The following FAM184B variants were observed in gnomAD, a reference collection of about 807,000 sequenced individuals.
FAM184B encodes protein FAM184B.
FAM184B carries 111 observed loss-of-function variants against 135.9 expected under a neutral mutation model. That is an observed-to-expected ratio of 0.82 (90% CI 0.70 to 0.96). FAM184B has a LOEUF of 0.96. Among genes scored for constraint, FAM184B ranks in the 40% least tolerant of loss-of-function variants. FAM184B has a pLI of 0.00. For synonymous variants in FAM184B, 552 were observed against 524.8 expected (o/e 1.05, Z -0.71); for missense variants, 1,375 against 1,323.9 (o/e 1.04, Z -0.60).
intron 5 of FAM184B, among the ~76,000 whole-genome samples, chr4:17,699,501 C>T (rs531939155): frequency 6.6e-6 from 1 of 152,048 alleles, no homozygotes; most frequent in Non-Finnish European, 1.5e-5. Flanking sequence ...ATAAATGTGG[C>T]TGTTAACTTT....
intron 1 of FAM184B, among the ~76,000 whole-genome samples, chr4:17,780,881 A>G (rs2109001611): frequency 6.6e-6 from 1 of 152,252 alleles, no homozygotes; most frequent in East Asian, 1.9e-4. Flanking sequence ...ACACACACAC[A>G]CGATTCACAT....
intron 2 of FAM184B, 29 bp downstream of exon 2, chr4:17,708,863 T>C (rs1004075945): frequency 1.7e-5 from 25 of 1,478,948 alleles, no homozygotes; most frequent in Non-Finnish European, 2.2e-5. Flanking sequence ...TTTATCCCTT[T>C]GGGGTTGTAA....
chr4:17,751,409 A>T (rs961580953), intron 1 of FAM184B, among the ~76,000 whole-genome samples: 1 of 151,928 alleles, frequency 6.6e-6, no homozygotes, highest in Non-Finnish European at 1.5e-5. Context: ...TGCTGTGGGG[A>T]AAAACCACTG....
intron 10 of FAM184B, among the ~76,000 whole-genome samples, chr4:17,657,536 GC>G (rs1347890283): frequency 6.6e-6 from 1 of 152,140 alleles, no homozygotes; most frequent in African/African-American, 2.4e-5. Flanking sequence ...TTTAAGCCAG[GC>G]CACAAGGTAG....
chr4:17,653,706 G>A (rs1715696196), intron 10 of FAM184B, among the ~76,000 whole-genome samples: 1 of 151,822 alleles, frequency 6.6e-6, no homozygotes, highest in Non-Finnish European at 1.5e-5. Flanking sequence ...GCTGGTTTCT[G>A]TGAGAGGCAC....
chr4:17,649,583 CAAAA>C (rs10564359), intron 11 of FAM184B, among the ~76,000 whole-genome samples: 7 of 136,048 alleles, frequency 5.1e-5, no homozygotes, highest in Non-Finnish European at 9.5e-5. Flanking sequence ...GACTCCATCT[CAAAA>C]AAAAAAAAAA....
At chr4:17,664,705 G>A (rs1472499103) in intron 7 of FAM184B, 46 bp from the exon 8 acceptor site, 11 of 1,397,898 alleles carry the variant, frequency 7.9e-6, no homozygotes, top group African/African-American at 5.9e-5. Flanking sequence ...GGCAAGATGA[G>A]CTTAAGTACA....
At chr4:17,672,452 G>C (rs1473531358) in intron 7 of FAM184B, among the ~76,000 whole-genome samples, 2 of 152,158 alleles carry the variant, frequency 1.3e-5, no homozygotes. Context: ...CTAGTTCTCA[G>C]AGGGAATACT....
intron 1 of FAM184B, among the ~76,000 whole-genome samples, chr4:17,772,091 C>A (rs1718831489): frequency 6.6e-6 from 1 of 152,164 alleles, no homozygotes; most frequent in Admixed American, 6.5e-5. Context: ...CAAAATTATT[C>A]ATTTGCTCTC....
intron 1 of FAM184B, among the ~76,000 whole-genome samples, chr4:17,713,710 C>T (rs1016251223): frequency 2.4e-4 from 36 of 151,850 alleles, no homozygotes; most frequent in African/African-American, 7.5e-4. Flanking sequence ...CTGAAGCACA[C>T]GTTCTACACA....
intron 1 of FAM184B, among the ~76,000 whole-genome samples, chr4:17,747,245 G>A (rs977840299): frequency 4.6e-5 from 7 of 151,980 alleles, no homozygotes; most frequent in Non-Finnish European, 8.8e-5. Flanking sequence ...GAATGAGAAG[G>A]AATTTGTCCC....
intron 7 of FAM184B, among the ~76,000 whole-genome samples, chr4:17,674,636 G>C (rs1306100727): frequency 6.6e-6 from 1 of 152,274 alleles, no homozygotes; most frequent in East Asian, 1.9e-4. Flanking sequence ...ATACCATTTT[G>C]CTCACAGTAG....
intron 2 of FAM184B, among the ~76,000 whole-genome samples, chr4:17,708,663 C>CTATACATA (rs1228433126): frequency 0.024 from 406 of 16,988 alleles, 21 homozygotes; most frequent in Middle Eastern, 0.05. Flanking sequence ...GGAAACAAAA[C>CTATACATA]TATATATATA....
intron 7 of FAM184B, among the ~76,000 whole-genome samples, chr4:17,674,361 T>C (rs1206388830): frequency 6.6e-6 from 1 of 152,166 alleles, no homozygotes; most frequent in East Asian, 1.9e-4. Flanking sequence ...TGTGCAATAA[T>C]CTTATGTCTA....
chr4:17,781,482 G>T lies in FAM184B; in HGVS notation c.-183C>A. On this transcript the variant is annotated 5_prime_UTR_variant, in exon 1 of 18. Transcript: ENST00000265018. This position sits in a 1 kb window ranked among gnomAD's most constrained non-coding sequence, Gnocchi z 6.5. ...GTCTCCGCCTCCCGGGCCCACCCGC[G>T]CGCCCACCCTTTTTCCTCTCCTGCT... 1 of 692,282 alleles carries T rather than the reference G, an allele frequency of 1.4e-6. No homozygotes were observed. Among genetic ancestry groups the T allele is most frequent in the Non-Finnish European group, 2.2e-6 (1 of 461,174 alleles). The allele number at this position is 692,282 out of a possible 1,614,324, so 42.9% of individuals were successfully genotyped here.
intron 1 of FAM184B, among the ~76,000 whole-genome samples, chr4:17,717,053 C>A (rs1717412909): frequency 6.6e-6 from 1 of 152,046 alleles, no homozygotes; most frequent in African/African-American, 2.4e-5. Flanking sequence ...TCAGGTGATA[C>A]ACCTGCCTCA....
chr4:17,741,757 C>T (rs574792928), intron 1 of FAM184B, among the ~76,000 whole-genome samples: 4 of 152,178 alleles, frequency 2.6e-5, no homozygotes, highest in East Asian at 3.9e-4. Context: ...GACATAAACC[C>T]GGAGGACACT....
intron 7 of FAM184B, among the ~76,000 whole-genome samples, chr4:17,666,495 G>GTTTTTTTTTA (rs1716053639): frequency 5.1e-5 from 1 of 19,680 alleles, no homozygotes; most frequent in Non-Finnish European, 1.1e-4. Flanking sequence ...TTTTTTTTTT[G>GTTTTTTTTTA]GTATTTTTAG....
chr4:17,689,870 C>T (rs964389335), intron 6 of FAM184B, among the ~76,000 whole-genome samples: 7 of 151,540 alleles, frequency 4.6e-5, no homozygotes, highest in Admixed American at 1.3e-4. Context: ...GCAATAGGGC[C>T]GGGTGTGGTG....
Sources: gnomAD v4.1 joint callset for allele counts (sites outside exome capture counted in the v4.1 genomes callset) on GRCh38, gnomAD v4.1.1 for gene constraint, Gnocchi (gnomAD v3.1) non-coding constraint, MANE v1.5 for transcripts, NCBI Gene and HGNC (gene_info 2026-07-23, HGNC 2026-07-21) for gene names.